The following NAALADL2 variants were observed in gnomAD, a reference collection of about 807,000 sequenced individuals.
NAALADL2 encodes inactive N-acetylated-alpha-linked acidic dipeptidase-like protein 2.
NAALADL2 carries 76 observed loss-of-function variants against 87.2 expected under a neutral mutation model. That is an observed-to-expected ratio of 0.87 (90% CI 0.72 to 1.05). The LOEUF is 1.05. NAALADL2 is among the 50% of genes least tolerant of loss of function. The pLI, the probability that NAALADL2 is intolerant of heterozygous loss-of-function variation, is 0.00. For synonymous variants in NAALADL2, 354 were observed against 331.0 expected (o/e 1.07, Z -0.75); for missense variants, 1,089 against 945.8 (o/e 1.15, Z -1.99).
intron 5 of NAALADL2, among the ~76,000 whole-genome samples, chr3:175,346,944 A>G (rs1763219319): frequency 1.3e-5 from 2 of 152,192 alleles, no homozygotes; most frequent in Admixed American, 1.3e-4. Context: ...AAGAAATGTT[A>G]GAAACTGTGT....
At chr3:175,790,460 A>G (rs1752650235) in intron 13 of NAALADL2, among the ~76,000 whole-genome samples, 1 of 152,230 alleles carries the variant, frequency 6.6e-6, no homozygotes, top group Non-Finnish European at 1.5e-5. Context: ...GATGCTTGAA[A>G]AAGCATTTTA....
chr3:174,845,957 T>C (rs1270864643), intron 3 of NAALADL2, among the ~76,000 whole-genome samples: 1 of 152,116 alleles, frequency 6.6e-6, no homozygotes, highest in Non-Finnish European at 1.5e-5. Flanking sequence ...GATGGCACCA[T>C]GGTGTATCAG....
intron 6 of NAALADL2, among the ~76,000 whole-genome samples, chr3:175,462,146 G>A (rs548270856): frequency 5.1e-4 from 77 of 152,312 alleles, no homozygotes; most frequent in African/African-American, 1.8e-3. Context: ...ATGTTCCACA[G>A]TAATGCAAGA....
chr3:175,302,321 G>A (rs1445901372), intron 4 of NAALADL2, among the ~76,000 whole-genome samples: 3 of 152,160 alleles, frequency 2.0e-5, no homozygotes, highest in Non-Finnish European at 2.9e-5. Context: ...ACTGACATAT[G>A]TATTTCAATG....
intron 5 of NAALADL2, among the ~76,000 whole-genome samples, chr3:175,400,182 G>A (rs138305065): frequency 5.9e-5 from 9 of 152,192 alleles, no homozygotes; most frequent in East Asian, 3.9e-4. Flanking sequence ...ATCAATCTGC[G>A]TTATTCCCAC....
chr3:175,173,292 A>AAAAT (rs200798533), intron 2 of NAALADL2, among the ~76,000 whole-genome samples: 20,093 of 137,738 alleles, frequency 0.15, 1,981 homozygotes, highest in African/African-American at 0.22. Context: ...ACTCCGTTTC[A>AAAAT]AAATAAATAA....
chr3:174,884,161 G>A (rs1481266231), intron 1 of NAALADL2, among the ~76,000 whole-genome samples: 2 of 152,144 alleles, frequency 1.3e-5, no homozygotes, highest in African/African-American at 4.8e-5. Flanking sequence ...AATGTCATGG[G>A]AACAGGAAGC....
intron 10 of NAALADL2, among the ~76,000 whole-genome samples, chr3:175,578,164 G>A (rs1273804123): frequency 6.6e-6 from 1 of 152,104 alleles, no homozygotes; most frequent in Non-Finnish European, 1.5e-5. Flanking sequence ...AACGGTTCAT[G>A]CCTGTAGTCC....
intron 10 of NAALADL2, among the ~76,000 whole-genome samples, chr3:175,624,957 A>G (rs1726780256): frequency 6.6e-6 from 1 of 152,080 alleles, no homozygotes; most frequent in South Asian, 2.1e-4. Flanking sequence ...AGTTCCTAAC[A>G]ACTATTTTGT....
chr3:175,201,119 G>T (rs1158900834), intron 2 of NAALADL2, among the ~76,000 whole-genome samples: 1 of 152,010 alleles, frequency 6.6e-6, no homozygotes, highest in East Asian at 1.9e-4. Context: ...TTTTTTAAAT[G>T]TCTATGTACC....
chr3:175,193,747 A>T (rs1195331160), intron 2 of NAALADL2, among the ~76,000 whole-genome samples: 1 of 151,984 alleles, frequency 6.6e-6, no homozygotes, highest in Non-Finnish European at 1.5e-5. Flanking sequence ...TTGCTATTTT[A>T]TTAATATGCT....
rs1244318873 is a variant in NAALADL2 at position 175,695,912 on chromosome 3, T to G, written c.1897-41394T>G. 2.0e-5 allele frequency among the ~76,000 whole-genome samples: 3 copies of G among 152,112 alleles called. No homozygotes were observed. In the East Asian group the frequency reaches 5.8e-4, roughly 29 times the overall value. On this transcript the variant is annotated intron_variant, in intron 11 of 13. Transcript: ENST00000454872. ...TTAAAATGGCAATACAATGTCTACT[T>G]AAAAAATTTTAGAAAAGGATGAAGC...
At chr3:174,590,205 G>C (rs1402973501) in intron 2 of NAALADL2, among the ~76,000 whole-genome samples, 1 of 151,542 alleles carries the variant, frequency 6.6e-6, no homozygotes, top group African/African-American at 2.4e-5. Flanking sequence ...AGTTTTATAA[G>C]GATATCTTGG....
chr3:174,838,448 G>T (rs78526399), intron 3 of NAALADL2, among the ~76,000 whole-genome samples: 13,462 of 152,060 alleles, frequency 0.089, 673 homozygotes, highest in Middle Eastern at 0.12. Context: ...CAAGGATGCC[G>T]TCTCTCACCA....
At chr3:174,980,704 A>G (rs952972016) in intron 1 of NAALADL2, among the ~76,000 whole-genome samples, 1 of 152,172 alleles carries the variant, frequency 6.6e-6, no homozygotes, top group Non-Finnish European at 1.5e-5. Flanking sequence ...ATGAAATAAG[A>G]GATTTTTAAT....
At chr3:175,406,780 G>T (rs572314701) in intron 5 of NAALADL2, among the ~76,000 whole-genome samples, 15 of 151,422 alleles carry the variant, frequency 9.9e-5, no homozygotes, top group Middle Eastern at 3.4e-3. Flanking sequence ...TTTTCCACTT[G>T]TTATCCCACC....
At chr3:174,693,126 C>A (rs746682795) in intron 2 of NAALADL2, among the ~76,000 whole-genome samples, 2 of 151,852 alleles carry the variant, frequency 1.3e-5, no homozygotes, top group Non-Finnish European at 2.9e-5. Context: ...GCTCTTAGGG[C>A]CATCAGGAGT....
At chr3:175,461,384 T>C (rs1723109091) in intron 6 of NAALADL2, among the ~76,000 whole-genome samples, 1 of 152,180 alleles carries the variant, frequency 6.6e-6, no homozygotes, top group Admixed American at 6.5e-5. Context: ...AGAGTGCTGA[T>C]TGGTGCATTT....
intron 5 of NAALADL2, among the ~76,000 whole-genome samples, chr3:175,338,380 A>G (rs1762211148): frequency 6.6e-6 from 1 of 151,880 alleles, no homozygotes; most frequent in Non-Finnish European, 1.5e-5. Flanking sequence ...CAATGGGTCT[A>G]TATTAAGATG....
Sources: gnomAD v4.1 joint callset for allele counts (sites outside exome capture counted in the v4.1 genomes callset) on GRCh38, gnomAD v4.1.1 for gene constraint, MANE v1.5 for transcripts, NCBI Gene and HGNC (gene_info 2026-07-23, HGNC 2026-07-21) for gene names.